Variants in ZNF638 observed in about 807,000 individuals in gnomAD.
The protein encoded by ZNF638 is zinc finger protein 638, also known as CTCL tumor antigen se33-1.
In ZNF638, 46 loss-of-function variants were observed where a neutral mutation model predicts 195.6. The ratio of observed to expected loss-of-function variants is 0.24; its 90% confidence interval spans 0.19 to 0.30. The LOEUF is 0.30. Ranked by LOEUF, ZNF638 falls within the 10% of genes least tolerant of loss-of-function variation. ZNF638 has a pLI of 1.00. For missense variants in ZNF638, 2,440 were observed against 2,325.3 expected (o/e 1.05, Z -1.01); for synonymous variants, 845 against 772.0 (o/e 1.09, Z -1.57).
intron 1 of ZNF638, among the ~76,000 whole-genome samples, chr2:71,335,285 C>G (rs1257152709): frequency 6.6e-6 from 1 of 152,208 alleles, no homozygotes. Flanking sequence ...AAACCATCCT[C>G]CCACCTTAAC....
At chr2:71,341,685 T>C (rs2078764365) in intron 1 of ZNF638, 1 of 152,260 alleles carries the variant, frequency 6.6e-6, no homozygotes, top group East Asian at 1.9e-4. Context: ...TTAAGAACCC[T>C]GATCTCAACT....
intron 7 of ZNF638, 92 bp downstream of exon 7, chr2:71,368,620 GC>G: frequency 1.5e-6 from 2 of 1,315,322 alleles, no homozygotes; most frequent in East Asian, 4.8e-5. Flanking sequence ...TGCTTGTACT[GC>G]ATATATAATT....
At chr2:71,427,704 G>A (rs2080567548) in intron 24 of ZNF638, among the ~76,000 whole-genome samples, 1 of 152,100 alleles carries the variant, frequency 6.6e-6, no homozygotes, top group Non-Finnish European at 1.5e-5. Context: ...TGATATATTT[G>A]TATTGTGGGA....
intron 21 of ZNF638, among the ~76,000 whole-genome samples, chr2:71,419,962 A>AT (rs1553486375): frequency 3.5e-5 from 1 of 28,498 alleles, no homozygotes; most frequent in Non-Finnish European, 6.0e-5. Context: ...CTTAATTCCC[A>AT]CCCCCCCCCG....
At chr2:71,380,066 G>A (rs1558855898) in intron 8 of ZNF638, 156 bp from the exon 9 acceptor site, 2 of 456,964 alleles carry the variant, frequency 4.4e-6, no homozygotes, top group Non-Finnish European at 7.9e-6. Context: ...TGTAAAATTA[G>A]GCTGTGTAAT....
At chr2:71,405,001 C>T (rs528922650) in intron 17 of ZNF638, among the ~76,000 whole-genome samples, 1 of 152,088 alleles carries the variant, frequency 6.6e-6, no homozygotes, top group Middle Eastern at 3.2e-3. Context: ...AAGAATCACT[C>T]TAATGTGATG....
At chr2:71,404,034 A>AGGG in intron 17 of ZNF638, 36 bp downstream of exon 17, 1 of 1,577,456 alleles carries the variant, frequency 6.3e-7, no homozygotes, top group South Asian at 1.2e-5. Flanking sequence ...GCTCTTACTA[A>AGGG]GTTTTTAAAT....
intron 1 of ZNF638, among the ~76,000 whole-genome samples, chr2:71,335,461 A>G (rs2078649735): frequency 6.6e-6 from 1 of 152,238 alleles, no homozygotes; most frequent in Non-Finnish European, 1.5e-5. Context: ...TTATTTCCAC[A>G]GTCGGTTAAA....
At chr2:71,425,101 T>C (rs2080511947) in intron 23 of ZNF638, among the ~76,000 whole-genome samples, 1 of 152,240 alleles carries the variant, frequency 6.6e-6, no homozygotes, top group African/African-American at 2.4e-5. Context: ...CAGGTTATCC[T>C]TTTGGCTCTA....
At position 71,349,593 on chromosome 2, in the gene ZNF638, T is replaced by C; in HGVS notation, c.639T>C (p.His213=). Residue 213 remains histidine (H), a synonymous_variant, in exon 2 of 28, where the codon CAT becomes CAC. Transcript: ENST00000264447. ...CAAGTAATGTGATCGATTATGGGCA[T>C]GCAAGCAAATATGGCTACACAGAAG... ...AVSSNVIDYG[H]ASKYGYTEDP... is the part of the protein sequence containing the mutation. The C allele has an allele frequency of 6.2e-7, 1 of 1,614,192 alleles. No individual in the cohort carries two copies.
At chr2:71,424,071 C>G in intron 22 of ZNF638, 33 bp downstream of exon 22, 1 of 1,590,684 alleles carries the variant, frequency 6.3e-7, no homozygotes, top group African/African-American at 1.3e-5. Context: ...CACAGTGTGT[C>G]TTTGAAGTGA....
At chr2:71,384,116 T>G (rs889277267) in intron 10 of ZNF638, among the ~76,000 whole-genome samples, 3 of 152,186 alleles carry the variant, frequency 2.0e-5, no homozygotes, top group Non-Finnish European at 4.4e-5. Context: ...TTTCAGCCAA[T>G]CAGTGGCGGA....
At chr2:71,404,837 A>G (rs1266708267) in intron 17 of ZNF638, among the ~76,000 whole-genome samples, 2 of 152,164 alleles carry the variant, frequency 1.3e-5, no homozygotes, top group Non-Finnish European at 2.9e-5. Context: ...TCTCATGTAC[A>G]CACCCTTCAG....
At chr2:71,357,128 T>C (rs1023480432) in intron 3 of ZNF638, among the ~76,000 whole-genome samples, 6 of 152,166 alleles carry the variant, frequency 3.9e-5, no homozygotes, top group African/African-American at 1.4e-4. Flanking sequence ...AATATATGCC[T>C]CTCCCATCTG....
intron 8 of ZNF638, among the ~76,000 whole-genome samples, 184 bp downstream of exon 8, chr2:71,370,189 G>T (rs1219759614): frequency 6.6e-6 from 1 of 152,130 alleles, no homozygotes; most frequent in Non-Finnish European, 1.5e-5. Context: ...GCTATATACA[G>T]TATTAAATAA....
chr2:71,426,949 T>C lies in ZNF638; in HGVS notation c.5080T>C (p.Leu1694=), dbSNP rs963272828. Residue 1694 remains leucine, a synonymous_variant, in exon 24 of 28, where the codon TTG becomes CTG. Coordinates refer to ENST00000264447, the MANE Select transcript of ZNF638 (RefSeq NM_014497.5). The stretch of plus-strand genomic sequence containing the variant: ...AATTGGAGAAGTGGAAGAGCTACCT[T>C]TGAATGAGTCAGCAGACATAACTTT... ...DEIGEVEELP[L]NESADITFAT... The C allele has an allele frequency of 8.1e-6, 13 of 1,613,682 alleles. No individual in the cohort carries two copies. Among genetic ancestry groups the C allele is most frequent in the Middle Eastern group, 1.6e-4 (1 of 6,084 alleles).
intron 16 of ZNF638, among the ~76,000 whole-genome samples, chr2:71,402,308 A>G (rs1031510735): frequency 7.2e-5 from 11 of 152,172 alleles, no homozygotes; most frequent in Non-Finnish European, 4.4e-5. Flanking sequence ...CTAATATGTC[A>G]AAGTTCTACT....
chr2:71,411,219 C>T (rs1030315212), intron 20 of ZNF638, among the ~76,000 whole-genome samples: 1 of 150,706 alleles, frequency 6.6e-6, no homozygotes, highest in Non-Finnish European at 1.5e-5. Context: ...AGGCTGGTCT[C>T]GAACTCCTGA....
At chr2:71,391,301 C>T (rs2079772265) in intron 10 of ZNF638, among the ~76,000 whole-genome samples, 1 of 152,128 alleles carries the variant, frequency 6.6e-6, no homozygotes, top group Admixed American at 6.5e-5. Context: ...AATACTATTC[C>T]CCTTGCAGAA....
Sources: gnomAD v4.1 joint callset for allele counts (sites outside exome capture counted in the v4.1 genomes callset) on GRCh38, gnomAD v4.1.1 for gene constraint, MANE v1.5 for transcripts, NCBI Gene and HGNC (gene_info 2026-07-23, HGNC 2026-07-21) for gene names.